The following SLC39A9 variants were observed in gnomAD, a reference collection of about 807,000 sequenced individuals.
The protein encoded by SLC39A9 is zinc transporter ZIP9.
Under a neutral mutation model 28.4 loss-of-function variants are expected in SLC39A9, and 14 were observed. The observed-to-expected ratio is 0.49, with a 90% confidence interval of 0.33 to 0.77. The LOEUF is 0.77. SLC39A9 is among the 30% of genes least tolerant of loss of function. The pLI is 0.02. For synonymous variants in SLC39A9, 119 were observed against 149.6 expected, an observed-to-expected ratio of 0.80 and a Z score of 1.49; for missense variants, 283 against 381.1, an observed-to-expected ratio of 0.74 and a Z score of 2.14.
In SLC39A9 at chr14:69,461,389, A is replaced by C; in HGVS notation, c.*2796A>C. On this transcript the variant is annotated 3_prime_UTR_variant, in exon 7 of 7. Coordinates refer to ENST00000336643, the MANE Select transcript of SLC39A9 (RefSeq NM_018375.5). ...AGCAGTGATGTTCCAGGTTTGATTC[A>C]GTTTTCCTGTGCACACTATTGCCAA... 2 of 1,180,400 alleles carry C rather than the reference A, an allele frequency of 1.7e-6. No individual in the cohort carries two copies. The highest frequency in any genetic ancestry group is 2.1e-6 in the Non-Finnish European group (2 of 946,900). 73.1% of individuals were successfully genotyped at this position (1,180,400 alleles called of 1,614,324 possible).
intron 1 of SLC39A9, among the ~76,000 whole-genome samples, chr14:69,402,118 C>T (rs927495799): frequency 3.9e-5 from 6 of 152,022 alleles, no homozygotes; most frequent in African/African-American, 1.2e-4. Context: ...AGTTCACTTT[C>T]GTTTACATCA....
chr14:69,459,881 A>G lies in SLC39A9; in HGVS notation c.*1288A>G. 4.1e-6 allele frequency: 4 copies of G among 985,256 alleles called. No homozygotes were observed. The highest frequency in any genetic ancestry group is 4.8e-6 in the Non-Finnish European group (4 of 829,772). 61.0% of individuals were successfully genotyped at this position (985,256 alleles called of 1,614,324 possible). A position where few individuals can be genotyped will look rare whatever the true frequency, so the allele number is the denominator to read the frequency against. On this transcript the variant is annotated 3_prime_UTR_variant, in exon 7 of 7. Coordinates refer to ENST00000336643, the MANE Select transcript of SLC39A9 (RefSeq NM_018375.5). ...GAACTGTAATAATGAAGATAATAATATCTTTATTCTTTATCCCCCTTCAAA... is the reference window on the plus strand; with the variant it reads ...GAACTGTAATAATGAAGATAATAATGTCTTTATTCTTTATCCCCCTTCAAA...
chr14:69,429,173 G>A (rs979802081), intron 2 of SLC39A9: 1 of 152,148 alleles, frequency 6.6e-6, no homozygotes, highest in African/African-American at 2.4e-5. Flanking sequence ...AGGACCCTCA[G>A]TTATTTAGGG....
chr14:69,418,063 C>T (rs1200588423), intron 1 of SLC39A9, among the ~76,000 whole-genome samples: 1 of 152,136 alleles, frequency 6.6e-6, no homozygotes, highest in Non-Finnish European at 1.5e-5. Context: ...AAAGGGAATG[C>T]TTCCAGTTTT....
At chr14:69,399,828 T>C (rs1258919256) in intron 1 of SLC39A9, among the ~76,000 whole-genome samples, 1 of 152,124 alleles carries the variant, frequency 6.6e-6, no homozygotes, top group Non-Finnish European at 1.5e-5. Context: ...AGAAAATAAA[T>C]GGAGGGCTGG....
At chr14:69,457,408 G>A (rs563941775) in intron 6 of SLC39A9, among the ~76,000 whole-genome samples, 1 of 151,690 alleles carries the variant, frequency 6.6e-6, no homozygotes, top group Non-Finnish European at 1.5e-5. Context: ...TCACCATGTT[G>A]GCCAGGCTGG....
chr14:69,443,144 T>A (rs375411622), intron 3 of SLC39A9, among the ~76,000 whole-genome samples: 1 of 152,246 alleles, frequency 6.6e-6, no homozygotes, highest in African/African-American at 2.4e-5. Flanking sequence ...TGATACATGA[T>A]ACACTTCGAT....
At chr14:69,448,912 C>T (rs367877694) in intron 3 of SLC39A9, among the ~76,000 whole-genome samples, 12 of 152,160 alleles carry the variant, frequency 7.9e-5, no homozygotes, top group East Asian at 5.8e-4. Flanking sequence ...GTACAGAGAG[C>T]GTGAGTATAA....
chr14:69,456,803 A>C (rs948331533), intron 6 of SLC39A9, among the ~76,000 whole-genome samples: 2 of 152,188 alleles, frequency 1.3e-5, no homozygotes, highest in African/African-American at 4.8e-5. Context: ...TTGGCAGTAA[A>C]ACCCATATTA....
intron 1 of SLC39A9, among the ~76,000 whole-genome samples, chr14:69,415,066 G>A (rs1288222795): frequency 1.3e-5 from 2 of 152,134 alleles, no homozygotes; most frequent in Non-Finnish European, 2.9e-5. Flanking sequence ...TCCTGTCAAT[G>A]GACATCTGAT....
chr14:69,449,445 C>T (rs1885498716), intron 3 of SLC39A9, among the ~76,000 whole-genome samples: 1 of 152,028 alleles, frequency 6.6e-6, no homozygotes, highest in African/African-American at 2.4e-5. Flanking sequence ...GGCAACAAAG[C>T]GAGACGCCGT....
At chr14:69,415,516 C>G (rs992749138) in intron 1 of SLC39A9, among the ~76,000 whole-genome samples, 1 of 152,088 alleles carries the variant, frequency 6.6e-6, no homozygotes, top group African/African-American at 2.4e-5. Context: ...ACTTCAAATA[C>G]AAATCCTTTG....
At chr14:69,399,515 T>A in intron 1 of SLC39A9, 50 bp downstream of exon 1, 1 of 1,471,522 alleles carries the variant, frequency 6.8e-7, no homozygotes, top group Non-Finnish European at 9.5e-7. Context: ...TGTGAGATAG[T>A]AGTTTTAGTT....
rs557290237 is a variant in SLC39A9 at position 69,440,336 on chromosome 14, C to T, written c.206-1733C>T. On this transcript the variant is annotated intron_variant, in intron 2 of 6. Coordinates refer to ENST00000336643, the MANE Select transcript of SLC39A9 (RefSeq NM_018375.5). ...CGGTGGCTCAAGCCTGTAACCCCAG[C>T]ACTTTGGGAGGTCAAGGTGGGCGGA... 2.7e-3 allele frequency among the ~76,000 whole-genome samples: 407 copies of T among 152,210 alleles called. 1 individual carries two copies. Among genetic ancestry groups the T allele is most frequent in the African/African-American group, 9.2e-3 (383 of 41,524 alleles).
intron 3 of SLC39A9, among the ~76,000 whole-genome samples, chr14:69,443,215 C>T (rs1038431560): frequency 6.6e-5 from 10 of 152,166 alleles, no homozygotes; most frequent in African/African-American, 2.4e-4. Context: ...GATGTGTAGA[C>T]ATATTTTTTC....
intron 3 of SLC39A9, among the ~76,000 whole-genome samples, chr14:69,450,987 C>T (rs1175506173): frequency 2.0e-5 from 3 of 152,056 alleles, no homozygotes; most frequent in Non-Finnish European, 4.4e-5. Context: ...TAAATTTATG[C>T]TAAACTGCAG....
At chr14:69,446,939 TATATATATAG>T (rs753958856) in intron 3 of SLC39A9, among the ~76,000 whole-genome samples, 1 of 133,112 alleles carries the variant, frequency 7.5e-6, no homozygotes, top group African/African-American at 2.7e-5. Context: ...GATATATATA[TATATATATAG>T]AGAGAGAGAG....
intron 3 of SLC39A9, among the ~76,000 whole-genome samples, chr14:69,445,744 G>A (rs144251297): frequency 6.6e-6 from 1 of 152,124 alleles, no homozygotes; most frequent in Non-Finnish European, 1.5e-5. Context: ...AGGGCAAAAG[G>A]GTTTTGGGAG....
At chr14:69,410,384 T>C (rs1883199502) in intron 1 of SLC39A9, among the ~76,000 whole-genome samples, 1 of 152,188 alleles carries the variant, frequency 6.6e-6, no homozygotes, top group Middle Eastern at 3.2e-3. Flanking sequence ...ACTGATGATG[T>C]TGAAGACAAG....
Sources: allele counts gnomAD v4.1 joint callset (sites outside exome capture counted in the v4.1 genomes callset), GRCh38; gene constraint gnomAD v4.1.1; transcripts MANE v1.5; gene names NCBI Gene and HGNC (gene_info 2026-07-23, HGNC 2026-07-21).